Variants in FAT2 observed in about 807,000 individuals in gnomAD.
FAT2 encodes protocadherin Fat 2.
A neutral mutation model predicts 295.3 loss-of-function variants in FAT2; 150 were observed. The ratio of observed to expected loss-of-function variants is 0.51; its 90% CI spans 0.44 to 0.58. The LOEUF is 0.58. Among genes scored for constraint, FAT2 ranks in the 20% least tolerant of loss-of-function variants. The probability of loss-of-function intolerance (pLI) is 0.00; values close to 1 mark genes in which losing one functional copy is unlikely to be tolerated. For synonymous variants in FAT2, 2,026 were observed against 2,150.3 expected (o/e 0.94, Z 1.60); for missense variants, 4,868 against 5,442.7 (o/e 0.89, Z 3.32).
chr5:151,566,308 A>C lies in FAT2; in HGVS notation c.2624T>G (p.Leu875Arg). 6.2e-7 allele frequency: 1 copy of C among 1,614,086 alleles called. No homozygotes were observed. The highest frequency in any genetic ancestry group is 8.5e-7 in the Non-Finnish European group (1 of 1,180,010). The part of the protein sequence containing the change: ...KFSLHPLTGE[L>R]VVTGHLDRES... ...GCGGTCCAGGTGTCCTGTAACAACC[A>C]GTTCCCCAGTGAGAGGGTGGAGGGA... The change falls in exon 2 of 24, where the codon CTG (leucine) becomes CGG (arginine). Residue 875 changes from leucine to arginine, a missense_variant. Leu to Arg is a moderately radical substitution (Grantham distance 102). Around this residue, in one of 5 missense-constraint regions of FAT2, gnomAD observed 3,297 missense variants for 3,669.4 expected, o/e 0.90. Coordinates refer to ENST00000261800, the MANE Select transcript of FAT2 (RefSeq NM_001447.3).
rs1196697383 is a variant in FAT2, at chr5:151,563,396, G to C, written c.3503C>G (p.Ser1168Cys). The C allele has an allele frequency of 1.9e-6, 3 of 1,614,104 alleles. No individual in the cohort carries two copies. The highest frequency in any genetic ancestry group is 1.3e-5 in the African/African-American group (1 of 74,934). ...QLDAWDPDSS[S>C]KGKLTFNITS... Reference sequence around the variant, plus strand: ...GATGTTGAAGGTCAGCTTCCCTTTGGAGCTGGAGTCTGGGTCCCAGGCATC... The same window carrying C: ...GATGTTGAAGGTCAGCTTCCCTTTGCAGCTGGAGTCTGGGTCCCAGGCATC... Residue 1168 changes from serine (S) to cysteine (C), a missense_variant, in exon 3 of 24, where the codon TCC (serine) becomes TGC (cysteine). Transcript: ENST00000261800.
intron 22 of FAT2, among the ~76,000 whole-genome samples, chr5:151,509,144 A>G (rs1012554590): frequency 6.6e-6 from 1 of 152,158 alleles, no homozygotes; most frequent in Non-Finnish European, 1.5e-5. Context: ...AAGTGGAACC[A>G]TTTTCCCCAG....
At chr5:151,575,873 A>G (rs1353928993) in intron 1 of FAT2, among the ~76,000 whole-genome samples, 2 of 152,220 alleles carry the variant, frequency 1.3e-5, no homozygotes, top group Non-Finnish European at 2.9e-5. Flanking sequence ...ATGGCTGGCT[A>G]TTGAGCACTT....
chr5:151,572,495 C>T (rs569324461), intron 1 of FAT2, among the ~76,000 whole-genome samples: 56 of 152,310 alleles, frequency 3.7e-4, no homozygotes, highest in African/African-American at 1.3e-3. Flanking sequence ...ATGAATCTGA[C>T]TGTTTGATTT....
intron 9 of FAT2, among the ~76,000 whole-genome samples, chr5:151,548,571 C>T: frequency 6.6e-6 from 1 of 152,100 alleles, no homozygotes; most frequent in Non-Finnish European, 1.5e-5. Context: ...ACCTCTGCCT[C>T]CCAGGTTCAA....
Position 151,566,859 on chromosome 5 carries a change from G to T in FAT2, c.2073C>A (p.Asn691Lys). ...TGAATTCCTCATCACTGGACTCCTG[G>T]TTCTGAAGCCCAATAAAGTGGAGGA... ...KTILHFIGLQ[N>K]QESSDEEFTS... The change falls in exon 2 of 24, where the codon AAC (asparagine) becomes AAA (lysine). Residue 691 changes from asparagine to lysine, a missense_variant. Physicochemically the swap from Asn to Lys is moderately conservative, Grantham distance 94 (BLOSUM62 0). Around this residue, in one of 5 missense-constraint regions of FAT2, gnomAD observed 3,297 missense variants for 3,669.4 expected, o/e 0.90. Transcript: ENST00000261800. 1 of 1,614,154 alleles carries T rather than the reference G, an allele frequency of 6.2e-7. No homozygotes were observed. Among genetic ancestry groups the T allele is most frequent in the Non-Finnish European group, 8.5e-7 (1 of 1,180,024 alleles).
At chr5:151,580,760 T>C (rs1233778460) in intron 1 of FAT2, among the ~76,000 whole-genome samples, 1 of 152,140 alleles carries the variant, frequency 6.6e-6, no homozygotes, top group African/African-American at 2.4e-5. Context: ...CAGAAGAGTA[T>C]TGACAGTGAA....
Position 151,567,410 on chromosome 5 carries a change from C to T in FAT2, c.1522G>A (p.Asp508Asn). 6.2e-7 allele frequency: 1 copy of T among 1,614,048 alleles called. No individual in the cohort carries two copies. The highest frequency in any genetic ancestry group is 8.5e-7 in the Non-Finnish European group (1 of 1,179,990). ...GTGGAGATGATCCCCAGGTAGGGGT[C>T]AATAGAAAATGGCAAAGCTTTTGGT... ...AGPKALPFSI[D>N]PYLGIISTSK... is the part of the protein sequence containing the mutation. The change falls in exon 2 of 24, where the codon GAC (aspartate) becomes AAC (asparagine). Residue 508 changes from aspartate to asparagine, a missense_variant. Around this residue, in one of 5 missense-constraint regions of FAT2, gnomAD observed 3,297 missense variants for 3,669.4 expected, o/e 0.90. Coordinates refer to ENST00000261800, the MANE Select transcript of FAT2 (RefSeq NM_001447.3).
In FAT2 at chr5:151,510,192, G is replaced by T. The variant is rs1327391778; in HGVS notation, c.11906-18C>A. The T allele has an allele frequency of 6.2e-7, 1 of 1,613,654 alleles. No individual in the cohort carries two copies. Among genetic ancestry groups the T allele is most frequent in the Non-Finnish European group, 8.5e-7 (1 of 1,179,742 alleles). ...GACATAGCCTAGGAGAAAAAGAAGGGAGGTGAGAGACCGCACTGGCCTAGC... is the reference window on the plus strand; with the variant it reads ...GACATAGCCTAGGAGAAAAAGAAGGTAGGTGAGAGACCGCACTGGCCTAGC... On this transcript the variant is annotated intron_variant, in intron 21 of 23. Transcript: ENST00000261800.
At position 151,565,672 on chromosome 5, in the gene FAT2, C is replaced by T; in HGVS notation, c.3259+1G>A. 2 of 756,138 alleles carry T rather than the reference C, an allele frequency of 2.6e-6. No homozygotes were observed. The highest frequency in any genetic ancestry group is 4.2e-6 in the Non-Finnish European group (2 of 478,514). The allele number at this position is 756,138 out of a possible 1,614,324, so 46.8% of individuals were successfully genotyped here. On this transcript the variant is annotated splice_donor_variant, in intron 2 of 23. Coordinates refer to ENST00000261800, the MANE Select transcript of FAT2 (RefSeq NM_001447.3). LOFTEE classifies it high-confidence loss of function. ...ACCCCACCCTACCCCACCCCCAGTACCTGTATCTTGGTTGATGCTGAAGGC... is the reference window on the plus strand; with the variant it reads ...ACCCCACCCTACCCCACCCCCAGTATCTGTATCTTGGTTGATGCTGAAGGC...
At position 151,505,485 on chromosome 5, in the gene FAT2, A is replaced by T. The variant is rs1312165388; in HGVS notation, c.*80T>A. ...CCTCCCACTCTCCCAGCCACACTCA[A>T]CTCACCCCCTACGAGACAGGAAGAA... is the stretch of plus-strand genomic sequence containing the variant. On this transcript the variant is annotated 3_prime_UTR_variant, in exon 24 of 24. Transcript: ENST00000261800. The T allele has an allele frequency of 4.5e-6, 7 of 1,556,714 alleles. No homozygotes were observed. The Admixed American group carries it at 1.3e-4, about 30-fold the overall frequency.
rs1754354925 is a variant in FAT2 at position 151,529,408 on chromosome 5, G to A, written c.9812-16C>T. 6.2e-7 allele frequency: 1 copy of A among 1,611,924 alleles called. No homozygotes were observed. Among genetic ancestry groups the A allele is most frequent in the Non-Finnish European group, 8.5e-7 (1 of 1,178,856 alleles). ...TACAGGATCCCTGAAGAAGCAAGAG[G>A]TGACAGCAGCAATGAGGCAGTTGGG... On this transcript the variant is annotated splice_polypyrimidine_tract_variant and intron_variant, in intron 14 of 23. Coordinates refer to ENST00000261800, the MANE Select transcript of FAT2 (RefSeq NM_001447.3).
chr5:151,559,447 G>T (rs1489739172), intron 3 of FAT2, among the ~76,000 whole-genome samples: 3 of 152,086 alleles, frequency 2.0e-5, no homozygotes, highest in Admixed American at 6.5e-5. Context: ...AGGGCCTGGG[G>T]TCCCCCAGGA....
At chr5:151,577,743 G>A (rs1264489110) in intron 1 of FAT2, among the ~76,000 whole-genome samples, 2 of 152,156 alleles carry the variant, frequency 1.3e-5, no homozygotes, top group African/African-American at 4.8e-5. Context: ...GGGTTTTCAA[G>A]TTTGCAGATC....
chr5:151,579,476 G>C (rs1298106732), intron 1 of FAT2, among the ~76,000 whole-genome samples: 2 of 152,168 alleles, frequency 1.3e-5, no homozygotes, highest in East Asian at 3.8e-4. Flanking sequence ...GGAGGCTGAG[G>C]TGGGAGGATT....
chr5:151,551,718 C>G (rs1581419813), intron 6 of FAT2, 112 bp from the exon 7 acceptor site: 2 of 1,089,316 alleles, frequency 1.8e-6, no homozygotes, highest in South Asian at 1.7e-5. Flanking sequence ...TTCCACAGTA[C>G]AAGATCTGAG....
At chr5:151,585,711 G>C (rs530388417) in intron 1 of FAT2, among the ~76,000 whole-genome samples, 14 of 152,286 alleles carry the variant, frequency 9.2e-5, no homozygotes, top group Admixed American at 9.1e-4. Context: ...AGTGTACCAG[G>C]GATCTGATAG....
intron 21 of FAT2, chr5:151,511,832 A>C: frequency 3.8e-6 from 1 of 260,526 alleles, no homozygotes; most frequent in Non-Finnish European, 7.4e-6. Context: ...AGGGAGTGGA[A>C]TATAAGTTAA....
chr5:151,572,301 C>T (rs746310383), intron 1 of FAT2, among the ~76,000 whole-genome samples: 2 of 152,144 alleles, frequency 1.3e-5, no homozygotes, highest in Non-Finnish European at 2.9e-5. Context: ...ATGGAAGAAT[C>T]TAGACTTAGG....
Sources: gnomAD v4.1 joint callset for allele counts (sites outside exome capture counted in the v4.1 genomes callset) on GRCh38, gnomAD v4.1.1 for gene constraint, gnomAD v4.1.1 regional missense constraint, MANE v1.5 for transcripts, NCBI Gene and HGNC (gene_info 2026-07-23, HGNC 2026-07-21) for gene names.